The following CLSTN1 variants were observed in gnomAD, a reference collection of about 807,000 sequenced individuals.
CLSTN1 encodes calsyntenin 1.
In CLSTN1, 28 loss-of-function variants were observed where a neutral mutation model predicts 108.3. The observed-to-expected ratio is 0.26, with a 90% CI of 0.19 to 0.35. The LOEUF is 0.35. Ranked by LOEUF, CLSTN1 falls within the 10% of genes least tolerant of loss-of-function variation. The pLI is 1.00. For synonymous variants in CLSTN1, 524 were observed against 534.9 expected (o/e 0.98, Z 0.28); for missense variants, 1,157 against 1,302.6 (o/e 0.89, Z 1.72).
At chr1:9,818,258 TC>T (rs1187721750) in intron 1 of CLSTN1, among the ~76,000 whole-genome samples, 1 of 151,680 alleles carries the variant, frequency 6.6e-6, no homozygotes, top group African/African-American at 2.4e-5. Flanking sequence ...AGTTCACCCA[TC>T]TTGGCCTCCC....
At chr1:9,791,871 G>C (rs1039109689) in intron 1 of CLSTN1, among the ~76,000 whole-genome samples, 1 of 151,138 alleles carries the variant, frequency 6.6e-6, no homozygotes, top group Non-Finnish European at 1.5e-5. Context: ...ATTTCTGGCC[G>C]GGCCCAGTGG....
intron 1 of CLSTN1, among the ~76,000 whole-genome samples, chr1:9,808,155 C>T (rs867112528): frequency 2.2e-4 from 33 of 152,302 alleles, no homozygotes; most frequent in African/African-American, 7.5e-4. Flanking sequence ...GTTGTTGGTC[C>T]TGCAGGACCC....
At chr1:9,817,151 G>A (rs566376401) in intron 1 of CLSTN1, among the ~76,000 whole-genome samples, 1 of 152,310 alleles carries the variant, frequency 6.6e-6, no homozygotes, top group South Asian at 2.1e-4. Context: ...AGGACTGATT[G>A]AGTCCAGGAG....
chr1:9,788,474 A>G (rs1653598080), intron 1 of CLSTN1, among the ~76,000 whole-genome samples: 1 of 151,142 alleles, frequency 6.6e-6, no homozygotes, highest in African/African-American at 2.4e-5. Flanking sequence ...AGACTGAGGC[A>G]GGACAATCGC....
chr1:9,762,501 C>G (rs148897366), intron 2 of CLSTN1, among the ~76,000 whole-genome samples: 186 of 144,044 alleles, frequency 1.3e-3, no homozygotes, highest in African/African-American at 5.0e-3. Flanking sequence ...TGCCAAGCAG[C>G]GACTATCCAC....
chr1:9,757,780 T>C (rs961770865), intron 2 of CLSTN1, among the ~76,000 whole-genome samples: 11 of 152,296 alleles, frequency 7.2e-5, no homozygotes, highest in East Asian at 5.8e-4. Context: ...CCCTTTACTA[T>C]GGAGGAGTGG....
At chr1:9,776,971 G>A (rs904523203) in intron 1 of CLSTN1, among the ~76,000 whole-genome samples, 1 of 151,752 alleles carries the variant, frequency 6.6e-6, no homozygotes, top group Non-Finnish European at 1.5e-5. Flanking sequence ...TAATCCCAGC[G>A]TGTTGGGAGG....
intron 1 of CLSTN1, among the ~76,000 whole-genome samples, chr1:9,822,008 C>G (rs1469293491): frequency 1.3e-5 from 2 of 152,158 alleles, no homozygotes; most frequent in African/African-American, 4.8e-5. Context: ...TAAATAATGA[C>G]TAACAAATGT....
intron 1 of CLSTN1, among the ~76,000 whole-genome samples, chr1:9,780,309 C>A (rs1010957216): frequency 3.3e-5 from 5 of 152,132 alleles, no homozygotes; most frequent in African/African-American, 1.2e-4. Context: ...ATATTTGAGT[C>A]CATAAAACTC....
intron 4 of CLSTN1, among the ~76,000 whole-genome samples, chr1:9,753,347 C>G (rs1299063652): frequency 2.0e-5 from 3 of 152,088 alleles, no homozygotes; most frequent in African/African-American, 4.8e-5. Flanking sequence ...AGTACTGGCC[C>G]ACGTCCTGAG....
chr1:9,755,901 C>T (rs1453973146), intron 3 of CLSTN1, among the ~76,000 whole-genome samples: 1 of 152,274 alleles, frequency 6.6e-6, no homozygotes, highest in Middle Eastern at 3.4e-3. Flanking sequence ...AATACCGACT[C>T]GTCAGGCATC....
intron 1 of CLSTN1, among the ~76,000 whole-genome samples, chr1:9,778,143 G>T (rs1653045225): frequency 6.6e-6 from 1 of 151,480 alleles, no homozygotes; most frequent in African/African-American, 2.4e-5. Context: ...TGCAATCACA[G>T]TTCATTACAT....
intron 2 of CLSTN1, among the ~76,000 whole-genome samples, chr1:9,768,471 A>T (rs1291783546): frequency 1.0e-5 from 1 of 100,228 alleles, no homozygotes; most frequent in Non-Finnish European, 1.9e-5. Flanking sequence ...GTTGAGCGGC[A>T]CAATGGGGGT....
At chr1:9,762,520 G>A (rs921791118) in intron 2 of CLSTN1, among the ~76,000 whole-genome samples, 4 of 150,830 alleles carry the variant, frequency 2.7e-5, no homozygotes, top group Admixed American at 6.6e-5. Context: ...ACTTCTCCCC[G>A]CTGCACTCGG....
intron 16 of CLSTN1, among the ~76,000 whole-genome samples, chr1:9,732,099 CAAAA>C (rs1455405355): frequency 6.6e-6 from 1 of 151,924 alleles, no homozygotes; most frequent in Non-Finnish European, 1.5e-5. Context: ...GAAAAAGAAA[CAAAA>C]ACCAAACAAA....
chr1:9,746,553 A>G (rs1284102545), intron 7 of CLSTN1, among the ~76,000 whole-genome samples: 2 of 152,208 alleles, frequency 1.3e-5, no homozygotes. Flanking sequence ...TGTCTCTACA[A>G]AAATACAAAA....
intron 15 of CLSTN1, 38 bp from the exon 16 acceptor site, chr1:9,733,584 T>C (rs773576877): frequency 3.7e-6 from 6 of 1,611,964 alleles, no homozygotes; most frequent in Non-Finnish European, 4.2e-6. Context: ...CCGGGTGGCT[T>C]AGGGCAGGAG....
Position 9,737,482 on chromosome 1 carries a change from G to GA in CLSTN1, c.1576+15dup, listed in dbSNP as rs752360144. The GA allele has an allele frequency of 8.1e-6, 13 of 1,610,574 alleles. No homozygotes were observed. Among genetic ancestry groups the GA allele is most frequent in the East Asian group, 2.2e-5 (1 of 44,878 alleles). ...AATGAAACACAATAGTGAATGTAGG[G>GA]AAAAAATCCAGCAACCTGCAGAGGC... On this transcript the variant is annotated intron_variant, in intron 11 of 18. Transcript: ENST00000377298.
rs1651744889 is a variant in CLSTN1 at position 9,755,046 on chromosome 1, A to G, written c.440+68T>C. 3 of 1,335,168 alleles carry G rather than the reference A, an allele frequency of 2.2e-6. No individual in the cohort carries two copies. In the East Asian group the frequency reaches 7.0e-5, roughly 31 times the overall value. 82.7% of individuals were successfully genotyped at this position (1,335,168 alleles called of 1,614,324 possible). A position where few individuals can be genotyped will look rare whatever the true frequency, so the allele number is the denominator to read the frequency against. On this transcript the variant is annotated intron_variant, in intron 4 of 18. Transcript: ENST00000377298. ...TCTTGGGGAGCAGGCAATAGTCACT[A>G]CTATTTTCGTTCTGCGCACACACGT...
Sources: allele counts gnomAD v4.1 joint callset (sites outside exome capture counted in the v4.1 genomes callset), GRCh38; gene constraint gnomAD v4.1.1; transcripts MANE v1.5; gene names NCBI Gene and HGNC (gene_info 2026-07-23, HGNC 2026-07-21).